The following EP400 variants were observed in gnomAD, a reference collection of about 807,000 sequenced individuals.
The protein encoded by EP400 is E1A binding protein p400.
EP400 carries 105 observed loss-of-function variants against 354.1 expected under a neutral mutation model. The observed-to-expected ratio is 0.30, with a 90% CI of 0.25 to 0.35. The LOEUF is 0.35. Ranked by LOEUF, EP400 falls within the 10% of genes least tolerant of loss-of-function variation. EP400 has a pLI of 1.00. For missense variants in EP400, 3,280 were observed against 4,121.0 expected, an observed-to-expected ratio of 0.80 and a Z score of 5.59; for synonymous variants, 1,646 against 1,716.9, an observed-to-expected ratio of 0.96 and a Z score of 1.02.
chr12:131,987,983 CTTTTTTTTTTTTTTT>C (rs778740521), intron 7 of EP400, 93 bp downstream of exon 7: 4 of 268,746 alleles, frequency 1.5e-5, no homozygotes, highest in Admixed American at 7.4e-5. Flanking sequence ...TCCAGACCCA[CTTTTTTTTTTTTTTT>C]TTTTTTTTTT....
rs1468421736 is a variant in EP400 at position 132,077,527 on chromosome 12, A to G, written c.9226A>G (p.Thr3076Ala). ...ACTCATTCAGCAGCAGGTGGTGACCACGGCGTCGGCCCCGCTCCAGACTCC... is the reference window on the plus strand; with the variant it reads ...ACTCATTCAGCAGCAGGTGGTGACCGCGGCGTCGGCCCCGCTCCAGACTCC... ...QKLIQQQVVT[T>A]ASAPLQTPGA... Residue 3076 changes from threonine (T) to alanine (A), a missense_variant, in exon 53 of 53, where the codon ACG (threonine) becomes GCG (alanine). Coordinates refer to ENST00000389561, the MANE Select transcript of EP400 (RefSeq NM_015409.5). 6.8e-6 allele frequency: 11 copies of G among 1,613,754 alleles called. No individual in the cohort carries two copies. Among genetic ancestry groups the G allele is most frequent in the Middle Eastern group, 1.6e-4 (1 of 6,080 alleles).
chr12:131,984,839 C>T (rs545165377), intron 5 of EP400, among the ~76,000 whole-genome samples: 3 of 151,892 alleles, frequency 2.0e-5, no homozygotes, highest in Non-Finnish European at 4.4e-5. Flanking sequence ...GCTGGGACTA[C>T]AGGCATGCGC....
intron 49 of EP400, 29 bp downstream of exon 49, chr12:132,066,998 T>TG: frequency 6.5e-7 from 1 of 1,541,200 alleles, no homozygotes; most frequent in Non-Finnish European, 8.7e-7. Flanking sequence ...CCTCCCGTCC[T>TG]GGGCTTGAGC....
chr12:132,002,839 G>A (rs184699550), intron 12 of EP400, among the ~76,000 whole-genome samples: 7 of 152,270 alleles, frequency 4.6e-5, no homozygotes, highest in South Asian at 2.1e-4. Flanking sequence ...TTATGGTGTC[G>A]AGCTGAATCC....
At chr12:131,986,920 C>A in intron 6 of EP400, 113 bp downstream of exon 6, 1 of 1,287,918 alleles carries the variant, frequency 7.8e-7, no homozygotes, top group Non-Finnish European at 1.1e-6. Context: ...TTCAGCATGG[C>A]TTGGGAATCA....
Position 132,038,062 on chromosome 12 carries a change from C to T in EP400, c.6173C>T (p.Thr2058Ile), listed in dbSNP as rs1894774378. 6.2e-7 allele frequency: 1 copy of T among 1,614,076 alleles called. No individual in the cohort carries two copies. The highest frequency in any genetic ancestry group is 1.6e-4 in the Middle Eastern group (1 of 6,084). ...VLSQEPSVTE[T>I]IAPKIARPFI... ...TCTCAGGAACCTTCTGTCACGGAAA[C>T]CATTGCACCCAAAATTGCAAGACCT... is the stretch of plus-strand genomic sequence containing the variant. Residue 2058 changes from threonine to isoleucine, a missense_variant, in exon 32 of 53, where the codon ACC (threonine) becomes ATC (isoleucine). This residue lies in a region of EP400 where 60 missense variants were observed against 109.9 expected (regional missense o/e 0.55). Coordinates refer to ENST00000389561, the MANE Select transcript of EP400 (RefSeq NM_015409.5). This position sits in a 1 kb window ranked among gnomAD's most constrained non-coding sequence, Gnocchi z 4.2.
At chr12:131,982,913 T>C (rs1446505588) in intron 5 of EP400, among the ~76,000 whole-genome samples, 1 of 150,426 alleles carries the variant, frequency 6.6e-6, no homozygotes, top group Non-Finnish European at 1.5e-5. Context: ...AAGGTTGCAC[T>C]GAGCTGAGAT....
intron 1 of EP400, among the ~76,000 whole-genome samples, chr12:131,958,113 A>G (rs555704684): frequency 9.8e-5 from 15 of 152,326 alleles, no homozygotes; most frequent in Admixed American, 5.2e-4. Context: ...ATAATCCCGA[A>G]TATACTCTAC....
intron 48 of EP400, 21 bp from the exon 49 acceptor site, chr12:132,066,753 C>G (rs1212925336): frequency 6.2e-7 from 1 of 1,607,350 alleles, no homozygotes; most frequent in African/African-American, 1.3e-5. Context: ...TCTGGACTCT[C>G]CCATTATTTC....
At chr12:131,985,796 C>T (rs1237003562) in intron 5 of EP400, among the ~76,000 whole-genome samples, 1 of 151,984 alleles carries the variant, frequency 6.6e-6, no homozygotes, top group African/African-American at 2.4e-5. Flanking sequence ...TTAGTAGAGA[C>T]GAGGTTTCTC....
chr12:131,963,094 A>G (rs911742714), intron 2 of EP400, among the ~76,000 whole-genome samples: 1 of 152,186 alleles, frequency 6.6e-6, no homozygotes, highest in African/African-American at 2.4e-5. Context: ...TTGTATACCA[A>G]TGTTGTCTGT....
chr12:132,042,853 G>A (rs1565926382), intron 32 of EP400, among the ~76,000 whole-genome samples: 2 of 152,154 alleles, frequency 1.3e-5, no homozygotes, highest in Admixed American at 6.5e-5. Flanking sequence ...GACTTGCTCC[G>A]GCTGCTGTAA....
chr12:132,075,802 G>T lies in EP400; in HGVS notation c.9022-714G>T, dbSNP rs915036761. On this transcript the variant is annotated intron_variant, in intron 51 of 52. Transcript: ENST00000389561. The surrounding 1 kb of genome is among the most constrained non-coding windows in gnomAD (Gnocchi z 4.5). ...CCAGCAAGAGACCAGGGTCCGTGAG[G>T]GCCTTGTGCAGGGAGGGCCCTTGAA... 3 of 152,868 alleles carry T rather than the reference G, an allele frequency of 2.0e-5. No individual in the cohort carries two copies. Among genetic ancestry groups the T allele is most frequent in the African/African-American group, 7.2e-5 (3 of 41,438 alleles). 9.5% of individuals were successfully genotyped at this position (152,868 alleles called of 1,614,324 possible).
rs1482614715 is a variant in EP400 at position 131,979,686 on chromosome 12, T to C, written c.1336-8T>C. The stretch of plus-strand genomic sequence containing the variant: ...ATCAAAATCTCATTTTTTCATCTTT[T>C]TTCCCAGCAGCAAGCCCTCGCAGGG... On this transcript the variant is annotated splice_region_variant and splice_polypyrimidine_tract_variant and intron_variant, in intron 2 of 52. Transcript: ENST00000389561. 1 of 1,601,204 alleles carries C rather than the reference T, an allele frequency of 6.2e-7. No individual in the cohort carries two copies. Among genetic ancestry groups the C allele is most frequent in the Admixed American group, 1.8e-5 (1 of 56,642 alleles).
chr12:131,982,059 A>T, intron 4 of EP400, 34 bp from the exon 5 acceptor site: 3 of 1,500,008 alleles, frequency 2.0e-6, no homozygotes, highest in Non-Finnish European at 2.7e-6. Flanking sequence ...CACACTTGGG[A>T]ATCAGTGCTT....
intron 48 of EP400, chr12:132,065,179 G>C (rs1189261362): frequency 1.9e-6 from 1 of 528,258 alleles, no homozygotes; most frequent in Admixed American, 3.2e-5. Flanking sequence ...TCCCTGTGCT[G>C]CTGAGGGACC....
At chr12:132,051,713 A>G (rs1231647378) in intron 41 of EP400, among the ~76,000 whole-genome samples, 13 of 152,196 alleles carry the variant, frequency 8.5e-5, no homozygotes, top group South Asian at 8.3e-4. Context: ...ACAGCATCAC[A>G]GGGAGACGGT....
At position 132,050,640 on chromosome 12, in the gene EP400, C is replaced by G. The variant is rs888436840; in HGVS notation, c.7379C>G (p.Ser2460Cys). The G allele has an allele frequency of 2.5e-6, 4 of 1,614,236 alleles. No homozygotes were observed. Among genetic ancestry groups the G allele is most frequent in the Middle Eastern group, 1.6e-4 (1 of 6,062 alleles). The change falls in exon 41 of 53, where the codon TCT becomes TGT. Residue 2460 changes from serine (S) to cysteine (C), a missense_variant. Ser to Cys is a moderately radical substitution (Grantham distance 112). Transcript: ENST00000389561. This position sits in a 1 kb window ranked among gnomAD's most constrained non-coding sequence, Gnocchi z 4.8. ...NPFQKNPKHA[S>C]VLAESGINYD... is the part of the protein sequence containing the mutation. ...TTTCAGAAGAACCCCAAGCACGCGT[C>G]TGTGTTGGCAGAAAGGTATTTCTCT...
In EP400 at chr12:132,052,432, C is replaced by G. The variant is rs867638099; in HGVS notation, c.7395-714C>G. On this transcript the variant is annotated intron_variant, in intron 41 of 52. Coordinates refer to ENST00000389561, the MANE Select transcript of EP400 (RefSeq NM_015409.5). This position sits in a 1 kb window ranked among gnomAD's most constrained non-coding sequence, Gnocchi z 4.4. ...CCTGGCTTTCAGCCCCTTGGTGCTC[C>G]CTGAGTGTGCTGGCAGCCGCGCCCC... Among the ~76,000 whole-genome samples the G allele has an allele frequency of 1.3e-5, 2 of 152,374 alleles. No individual in the cohort carries two copies. The highest frequency in any genetic ancestry group is 3.4e-3 in the Middle Eastern group (1 of 294).
Sources: allele counts gnomAD v4.1 joint callset (sites outside exome capture counted in the v4.1 genomes callset), GRCh38; gene constraint gnomAD v4.1.1; regional missense constraint gnomAD v4.1.1; non-coding constraint Gnocchi (gnomAD v3.1); transcripts MANE v1.5; gene names NCBI Gene and HGNC (gene_info 2026-07-23, HGNC 2026-07-21).